The following ESYT3 variants were observed in gnomAD, a reference collection of about 807,000 sequenced individuals.
ESYT3 encodes extended synaptotagmin-3.
Under a neutral mutation model 111.5 loss-of-function variants are expected in ESYT3, and 101 were observed. The observed-to-expected ratio is 0.91, with a 90% confidence interval of 0.77 to 1.07. The LOEUF is 1.07. ESYT3 is among the 50% of genes least tolerant of loss of function. The probability of loss-of-function intolerance (pLI) is 0.00; values close to 1 mark genes in which losing one functional copy is unlikely to be tolerated. For synonymous variants in ESYT3, 416 were observed against 446.8 expected (o/e 0.93, Z 0.87); for missense variants, 1,097 against 1,109.4 (o/e 0.99, Z 0.16).
At position 138,464,516 on chromosome 3, in the gene ESYT3, G is replaced by C; in HGVS notation, c.1086+1G>C. On this transcript the variant is annotated splice_donor_variant, in intron 9 of 22. Transcript: ENST00000389567. LOFTEE classifies it high-confidence loss of function. ...CCCCACCTGGAACGAAGTGTTTGAG[G>C]TAAGGGTCTCCTTGGCTGCTTCTAG... The C allele has an allele frequency of 6.2e-7, 1 of 1,613,966 alleles. No homozygotes were observed. Among genetic ancestry groups the C allele is most frequent in the Non-Finnish European group, 8.5e-7 (1 of 1,179,938 alleles).
chr3:138,474,891 T>C (rs550493945), intron 20 of ESYT3, among the ~76,000 whole-genome samples: 10 of 152,332 alleles, frequency 6.6e-5, no homozygotes, highest in African/African-American at 2.2e-4. Context: ...GTGGCAAGTC[T>C]CATCCCAAAT....
chr3:138,441,912 C>T (rs1298407451), intron 1 of ESYT3, among the ~76,000 whole-genome samples: 1 of 151,916 alleles, frequency 6.6e-6, no homozygotes, highest in African/African-American at 2.4e-5. Flanking sequence ...GAACTCAGGT[C>T]CCATAAGCCC....
At chr3:138,474,934 C>T (rs181698080) in intron 20 of ESYT3, among the ~76,000 whole-genome samples, 4 of 152,320 alleles carry the variant, frequency 2.6e-5, no homozygotes, top group South Asian at 2.1e-4. Context: ...ATCTCATCAG[C>T]GTGTACCTTC....
chr3:138,468,915 G>A (rs1268656999), intron 14 of ESYT3, 34 bp downstream of exon 14: 1 of 1,608,386 alleles, frequency 6.2e-7, no homozygotes, highest in South Asian at 1.1e-5. Flanking sequence ...CTCCAGGGAG[G>A]GCAAATCACA....
Position 138,459,936 on chromosome 3 carries a change from C to T in ESYT3, c.649-9C>T, listed in dbSNP as rs1235911491. 5 of 1,613,406 alleles carry T rather than the reference C, an allele frequency of 3.1e-6. No homozygotes were observed. The highest frequency in any genetic ancestry group is 3.3e-5 in the Admixed American group (2 of 59,996). On this transcript the variant is annotated splice_polypyrimidine_tract_variant and intron_variant, in intron 5 of 22. Transcript: ENST00000389567. ...CTGGGCCCCTCACGGGCCCTCTGTG[C>T]CTATCCAGTTGCAGGGCACCCTGCG...
rs1300935077 is a variant in ESYT3 at position 138,477,332 on chromosome 3, G to T, written c.*478G>T. On this transcript the variant is annotated 3_prime_UTR_variant, in exon 23 of 23. Transcript: ENST00000389567. ...GGGAAGTCACTTTTTTATGGAAATA[G>T]AAAGTGACCCAACTCAAAACTGCCA... 5 of 150,568 alleles carry T rather than the reference G, an allele frequency of 3.3e-5. No homozygotes were observed. Among genetic ancestry groups the T allele is most frequent in the African/African-American group, 1.3e-4 (5 of 39,308 alleles). The allele number at this position is 150,568 out of a possible 1,614,324, so 9.3% of individuals were successfully genotyped here.
intron 4 of ESYT3, among the ~76,000 whole-genome samples, chr3:138,458,974 C>T (rs2032458298): frequency 6.6e-6 from 1 of 152,136 alleles, no homozygotes; most frequent in Non-Finnish European, 1.5e-5. Context: ...GGGGCTGCCT[C>T]CTGGGGTCTG....
chr3:138,475,990 C>A (rs999549424), intron 20 of ESYT3, among the ~76,000 whole-genome samples: 1 of 152,186 alleles, frequency 6.6e-6, no homozygotes, highest in Admixed American at 6.5e-5. Context: ...CCACAGCAGT[C>A]TGAGGCACTT....
chr3:138,473,445 C>T, intron 18 of ESYT3, 91 bp from the exon 19 acceptor site: 3 of 1,165,388 alleles, frequency 2.6e-6, no homozygotes, highest in Non-Finnish European at 3.8e-6. Context: ...CTCTATACTC[C>T]TCAAGCAGGA....
chr3:138,457,281 G>C (rs567549466), intron 3 of ESYT3, among the ~76,000 whole-genome samples: 2 of 152,198 alleles, frequency 1.3e-5, no homozygotes, highest in Non-Finnish European at 2.9e-5. Flanking sequence ...CACGTGTAAA[G>C]GGAAAGGACC....
intron 6 of ESYT3, 58 bp from the exon 7 acceptor site, chr3:138,460,553 T>A: frequency 1.3e-6 from 2 of 1,576,660 alleles, no homozygotes; most frequent in South Asian, 2.2e-5. Flanking sequence ...TGGCAGGGGG[T>A]TCTCAGCCCT....
rs377578404 is a variant in ESYT3, at chr3:138,467,616, T to C, written c.1218+7T>C. On this transcript the variant is annotated splice_region_variant and intron_variant, in intron 11 of 22. Transcript: ENST00000389567. The stretch of plus-strand genomic sequence containing the variant: ...CAACAGAGTGGTGGATGAGGTACAG[T>C]TGGTGCTTGCAACCCTCGGGGGAGT... 3.0e-5 allele frequency: 49 copies of C among 1,613,838 alleles called. No homozygotes were observed. Among genetic ancestry groups the C allele is most frequent in the Non-Finnish European group, 4.0e-5 (47 of 1,179,960 alleles).
In ESYT3 at chr3:138,468,652, C is replaced by T. The variant is rs778068799; in HGVS notation, c.1309-3C>T. ...CCCAGTGAGGGTCTGTGTCTGTTTG[C>T]AGGACCATGGTGGCCTTTCCACTGC... On this transcript the variant is annotated splice_region_variant and splice_polypyrimidine_tract_variant and intron_variant, in intron 12 of 22. Transcript: ENST00000389567. The T allele has an allele frequency of 5.6e-6, 9 of 1,614,110 alleles. No individual in the cohort carries two copies. The South Asian group carries it at 8.8e-5, about 16-fold the overall frequency.
downstream of ESYT3, chr3:138,481,059 C>CAT (rs2033679690): frequency 6.6e-6 from 1 of 152,150 alleles, no homozygotes. Context: ...GTCCTTTACT[C>CAT]ATATCACATT....
chr3:138,462,617 C>T (rs1403724727), intron 8 of ESYT3: 1 of 281,122 alleles, frequency 3.6e-6, no homozygotes, highest in African/African-American at 2.1e-5. Context: ...ATCCCTTGTT[C>T]CCTCCACCTA....
chr3:138,468,513 C>A, intron 12 of ESYT3, 142 bp from the exon 13 acceptor site: 1 of 790,156 alleles, frequency 1.3e-6, no homozygotes, highest in Non-Finnish European at 2.2e-6. Context: ...CAACAAAATG[C>A]TAGGTTGTGA....
At position 138,472,465 on chromosome 3, in the gene ESYT3, C is replaced by G; in HGVS notation, c.1843C>G (p.Pro615Ala). 6.2e-7 allele frequency: 1 copy of G among 1,614,186 alleles called. No individual in the cohort carries two copies. Among genetic ancestry groups the G allele is most frequent in the South Asian group, 1.1e-5 (1 of 91,076 alleles). Residue 615 changes from proline (P) to alanine (A), a missense_variant, in exon 18 of 23, where the codon CCC (proline) becomes GCC (alanine). Pro to Ala is a conservative substitution (Grantham distance 27, BLOSUM62 -1). Coordinates refer to ENST00000389567, the MANE Select transcript of ESYT3 (RefSeq NM_031913.5). ...LIKKVATNQG[P>A]KAQPQEEGPT... The stretch of plus-strand genomic sequence containing the variant: ...CAAGAAAGTGGCTACCAACCAGGGT[C>G]CCAAAGCCCAACCTCAGGAAGAAGG...
At chr3:138,458,290 G>A (rs774004) in intron 4 of ESYT3, among the ~76,000 whole-genome samples, 116,064 of 152,192 alleles carry the variant, frequency 0.76, 44,455 homozygotes, top group East Asian at 0.95. Flanking sequence ...TCTTCGGACC[G>A]CCCATCCCCA....
At position 138,478,051 on chromosome 3, in the gene ESYT3, A is replaced by G. The variant is rs1356144151; in HGVS notation, c.*1197A>G. 2 of 152,182 alleles carry G rather than the reference A, an allele frequency of 1.3e-5. No individual in the cohort carries two copies. The highest frequency in any genetic ancestry group is 2.1e-4 in the South Asian group (1 of 4,830). The allele number at this position is 152,182 out of a possible 1,614,324, so 9.4% of individuals were successfully genotyped here. ...GTCATGTCTCAAACCTATTTCCTCTATTAAGTAAGTCAGTCAATCCATAGT... is the reference window on the plus strand; with the variant it reads ...GTCATGTCTCAAACCTATTTCCTCTGTTAAGTAAGTCAGTCAATCCATAGT... On this transcript the variant is annotated 3_prime_UTR_variant, in exon 23 of 23. Coordinates refer to ENST00000389567, the MANE Select transcript of ESYT3 (RefSeq NM_031913.5).
Sources: allele counts gnomAD v4.1 joint callset (sites outside exome capture counted in the v4.1 genomes callset), GRCh38; gene constraint gnomAD v4.1.1; transcripts MANE v1.5; gene names NCBI Gene and HGNC (gene_info 2026-07-23, HGNC 2026-07-21).